TMEM74: variants seen among roughly 807,000 people sequenced by gnomAD.
The protein encoded by TMEM74 is transmembrane protein 74.
Under a neutral mutation model 18.1 loss-of-function variants are expected in TMEM74, and 13 were observed. The observed-to-expected ratio is 0.72, with a 90% CI of 0.47 to 1.14. The LOEUF is 1.14. TMEM74 is among the 50% of genes most tolerant of loss of function. The pLI is 0.00. For synonymous variants in TMEM74, 159 were observed against 146.6 expected (o/e 1.08, Z -0.61); for missense variants, 372 against 375.9 (o/e 0.99, Z 0.09).
In TMEM74 at chr8:108,780,470, C is replaced by T. The variant is rs1814290764; in HGVS notation, c.*3711G>A. Among the ~76,000 whole-genome samples, 1 of 152,044 alleles carries T rather than the reference C, an allele frequency of 6.6e-6. No individual in the cohort carries two copies. Among genetic ancestry groups the T allele is most frequent in the Non-Finnish European group, 1.5e-5 (1 of 68,018 alleles). On this transcript the variant is annotated 3_prime_UTR_variant, in exon 2 of 2. Transcript: ENST00000297459. ...TTCTCAATATTTAACTAGCATGGTG[C>T]TCAGTCACTCATTTATCAAGATTAA...
intron 1 of TMEM74, among the ~76,000 whole-genome samples, chr8:108,684,357 A>AAGC: frequency 6.6e-6 from 1 of 151,774 alleles, no homozygotes; most frequent in Non-Finnish European, 1.5e-5. Flanking sequence ...ATGATTAGTG[A>AAGC]TCTTGAACAT....
downstream of TMEM74, among the ~76,000 whole-genome samples, chr8:108,778,516 G>A (rs891518720): frequency 2.6e-5 from 4 of 152,144 alleles, no homozygotes; most frequent in African/African-American, 9.7e-5. Context: ...AACAGATATC[G>A]AAAGAAGTAG....
intron 1 of TMEM74, among the ~76,000 whole-genome samples, chr8:108,729,486 A>T (rs113145140): frequency 6.6e-6 from 1 of 152,352 alleles, no homozygotes; most frequent in African/African-American, 2.4e-5. Context: ...TTTGCCATGT[A>T]ATTTATTCAT....
At position 108,716,772 on chromosome 8, in the gene TMEM74, C is replaced by T. The variant is rs183808317; in HGVS notation, n.120-61335G>A. 1.9e-4 allele frequency among the ~76,000 whole-genome samples: 29 copies of T among 150,344 alleles called. No homozygotes were observed. In the East Asian group the frequency reaches 5.7e-3, roughly 29 times the overall value. On this transcript the variant is annotated intron_variant and non_coding_transcript_variant, in intron 1 of 3. Transcript: ENST00000518838. ...TTGGTTTAAAACATCAAAGGGGAGT[C>T]TCTTTAAGAATTAAAAAAAAACAAA...
intron 1 of TMEM74, among the ~76,000 whole-genome samples, chr8:108,665,102 A>G (rs912759335): frequency 6.6e-6 from 1 of 152,050 alleles, no homozygotes; most frequent in Admixed American, 6.6e-5. Context: ...TGTTAGATAT[A>G]ACTTACTATG....
chr8:108,744,938 C>T (rs937753672), intron 1 of TMEM74, among the ~76,000 whole-genome samples: 1 of 152,112 alleles, frequency 6.6e-6, no homozygotes, highest in Non-Finnish European at 1.5e-5. Flanking sequence ...ATGACTCAGC[C>T]TCCCAGCTTA....
At chr8:108,767,036 A>T (rs113355473) in intron 1 of TMEM74, among the ~76,000 whole-genome samples, 2,733 of 152,168 alleles carry the variant, frequency 0.018, 88 homozygotes, top group African/African-American at 0.062. Context: ...TAGGTCTACC[A>T]CTCCCAGTCC....
At chr8:108,665,898 T>C (rs1240954720) in intron 1 of TMEM74, among the ~76,000 whole-genome samples, 2 of 152,176 alleles carry the variant, frequency 1.3e-5, no homozygotes, top group Non-Finnish European at 2.9e-5. Flanking sequence ...AAATGTCTGT[T>C]AATATATGAA....
At chr8:108,693,373 G>T (rs1449365703) in intron 1 of TMEM74, among the ~76,000 whole-genome samples, 1 of 152,196 alleles carries the variant, frequency 6.6e-6, no homozygotes, top group Non-Finnish European at 1.5e-5. Context: ...TAATGGAAGT[G>T]GCCTGGCATA....
intron 1 of TMEM74, among the ~76,000 whole-genome samples, chr8:108,768,744 T>A (rs1814138025): frequency 6.6e-6 from 1 of 152,106 alleles, no homozygotes. Flanking sequence ...TGCTCTCAGG[T>A]CTGGCTCAAA....
At chr8:108,777,690 C>A (rs1814249144), downstream of TMEM74, among the ~76,000 whole-genome samples, 1 of 152,078 alleles carries the variant, frequency 6.6e-6, no homozygotes. Flanking sequence ...GAAGGAGTCC[C>A]AGATTTTAAT....
chr8:108,748,221 C>T (rs755157264), intron 1 of TMEM74, among the ~76,000 whole-genome samples: 14 of 152,078 alleles, frequency 9.2e-5, no homozygotes, highest in Non-Finnish European at 2.1e-4. Context: ...CCTCACTAAG[C>T]ACCTGTTGTT....
At chr8:108,608,698 C>T (rs1164684968) in intron 3 of TMEM74, 2 of 152,146 alleles carry the variant, frequency 1.3e-5, no homozygotes, top group Non-Finnish European at 2.9e-5. Flanking sequence ...TTGTGTCAGT[C>T]TTGTAGTGCC....
In TMEM74 at chr8:108,691,826, G is replaced by T. The variant is rs546622995; in HGVS notation, n.120-36389C>A. Among the ~76,000 whole-genome samples, 454 of 152,220 alleles carry T rather than the reference G, an allele frequency of 3.0e-3. 3 individuals carry two copies. Among genetic ancestry groups the T allele is most frequent in the African/African-American group, 9.5e-3 (393 of 41,522 alleles). Reference sequence around the variant, plus strand: ...ATAAACATCATTCCAATATATATATGGAAATTGCTCTTTTTACATAGTACT... The same window carrying T: ...ATAAACATCATTCCAATATATATATTGAAATTGCTCTTTTTACATAGTACT... On this transcript the variant is annotated intron_variant and non_coding_transcript_variant, in intron 1 of 3. Transcript: ENST00000518838.
At chr8:108,632,509 T>C (rs757542984) in intron 2 of TMEM74, among the ~76,000 whole-genome samples, 3 of 152,014 alleles carry the variant, frequency 2.0e-5, no homozygotes, top group Non-Finnish European at 4.4e-5. Flanking sequence ...TATAGAAAAT[T>C]AGTTTATTTA....
At chr8:108,636,376 A>G (rs867539317) in intron 2 of TMEM74, among the ~76,000 whole-genome samples, 1 of 152,054 alleles carries the variant, frequency 6.6e-6, no homozygotes. Flanking sequence ...GTCCCGACCA[A>G]CCATCAATGA....
At chr8:108,741,626 C>A (rs1909028) in intron 1 of TMEM74, among the ~76,000 whole-genome samples, 58,274 of 151,946 alleles carry the variant, frequency 0.38, 12,695 homozygotes, top group African/African-American at 0.59. Flanking sequence ...TATGCTTCAG[C>A]TCATGTAATA....
intron 2 of TMEM74, among the ~76,000 whole-genome samples, chr8:108,611,751 A>T (rs958839783): frequency 2.0e-5 from 3 of 152,220 alleles, no homozygotes; most frequent in Admixed American, 6.5e-5. Flanking sequence ...CTGATATGTC[A>T]TCTATCACCA....
At chr8:108,631,646 A>C (rs966148840) in intron 2 of TMEM74, among the ~76,000 whole-genome samples, 1 of 152,014 alleles carries the variant, frequency 6.6e-6, no homozygotes, top group African/African-American at 2.4e-5. Context: ...GTTTGCAAAC[A>C]CTTCTGCCCG....
Sources: allele counts gnomAD v4.1 joint callset (sites outside exome capture counted in the v4.1 genomes callset), GRCh38; gene constraint gnomAD v4.1.1; transcripts MANE v1.5; gene names NCBI Gene and HGNC (gene_info 2026-07-23, HGNC 2026-07-21).